Variants in TRAPPC8 observed in about 807,000 individuals in gnomAD.
TRAPPC8 encodes trafficking protein particle complex subunit 8, also known as general sporulation gene 1 homolog.
A neutral mutation model predicts 174.3 loss-of-function variants in TRAPPC8; 54 were observed. That is an observed-to-expected ratio of 0.31 (90% CI 0.25 to 0.39). TRAPPC8 has a LOEUF of 0.39. Ranked by LOEUF, TRAPPC8 falls within the 10% of genes least tolerant of loss-of-function variation. TRAPPC8 has a pLI of 1.00. For synonymous variants in TRAPPC8, 630 were observed against 579.9 expected (o/e 1.09, Z -1.24); for missense variants, 1,531 against 1,699.1 (o/e 0.90, Z 1.74).
intron 27 of TRAPPC8, 55 bp from the exon 28 acceptor site, chr18:31,832,228 T>TTTAATA: frequency 8.9e-7 from 1 of 1,120,256 alleles, no homozygotes; most frequent in Non-Finnish European, 1.2e-6. Context: ...TTAAAAGCAA[T>TTTAATA]TTTCCTGAAA....
chr18:31,859,861 C>CAA (rs1171499567), intron 19 of TRAPPC8, among the ~76,000 whole-genome samples: 1 of 151,992 alleles, frequency 6.6e-6, no homozygotes, highest in Non-Finnish European at 1.5e-5. Flanking sequence ...ACTAAAAATA[C>CAA]AAAAATTAGC....
At chr18:31,878,476 C>T (rs1354254483) in intron 12 of TRAPPC8, among the ~76,000 whole-genome samples, 24 of 152,092 alleles carry the variant, frequency 1.6e-4, no homozygotes, top group Admixed American at 1.4e-3. Flanking sequence ...TGTCACCACC[C>T]GACCAGCTCT....
intron 4 of TRAPPC8, among the ~76,000 whole-genome samples, chr18:31,915,162 G>A (rs1380522488): frequency 6.6e-6 from 1 of 152,130 alleles, no homozygotes; most frequent in Non-Finnish European, 1.5e-5. Context: ...AGAAAGTTTG[G>A]GTAAGCATAT....
At chr18:31,938,459 G>A (rs2038197347) in intron 1 of TRAPPC8, among the ~76,000 whole-genome samples, 1 of 152,032 alleles carries the variant, frequency 6.6e-6, no homozygotes, top group East Asian at 1.9e-4. Flanking sequence ...AATACATCAA[G>A]TCTAAACTGT....
intron 1 of TRAPPC8, among the ~76,000 whole-genome samples, chr18:31,932,013 G>C (rs976238656): frequency 1.3e-5 from 2 of 152,170 alleles, no homozygotes; most frequent in Non-Finnish European, 2.9e-5. Flanking sequence ...GCCCACACCA[G>C]TGCACGATGC....
At chr18:31,917,715 G>C (rs768906046) in intron 2 of TRAPPC8, 48 bp from the exon 3 acceptor site, 1 of 1,513,126 alleles carries the variant, frequency 6.6e-7, no homozygotes, top group South Asian at 1.2e-5. Context: ...AATAGAATCA[G>C]TTTACAACAG....
chr18:31,861,193 T>C (rs1190918417), intron 19 of TRAPPC8, among the ~76,000 whole-genome samples: 1 of 152,230 alleles, frequency 6.6e-6, no homozygotes, highest in Non-Finnish European at 1.5e-5. Flanking sequence ...GTTTAGGGTA[T>C]GGATCTACTG....
Position 31,908,869 on chromosome 18 carries a change from T to C in TRAPPC8, c.1007A>G (p.His336Arg), listed in dbSNP as rs755687915. 1.9e-6 allele frequency: 3 copies of C among 1,613,884 alleles called. No homozygotes were observed. The highest frequency in any genetic ancestry group is 1.7e-4 in the Middle Eastern group (1 of 6,058). The change falls in exon 7 of 29, where the codon CAT becomes CGT. Residue 336 changes from histidine (H) to arginine (R), a missense_variant. Physicochemically the swap from His to Arg is conservative, Grantham distance 29 (BLOSUM62 0). Coordinates refer to ENST00000283351, the MANE Select transcript of TRAPPC8 (RefSeq NM_014939.5). ...ATCAGTAAGTGTTAAACATGCACCA[T>C]GAATTATTCCAGTATTTCCTTTCTT... is the stretch of plus-strand genomic sequence containing the variant. ...ETKKGNTGIIHGACLTLTDHD... is the reference protein window; with the variant it reads ...ETKKGNTGIIRGACLTLTDHD...
intron 1 of TRAPPC8, among the ~76,000 whole-genome samples, chr18:31,936,902 TAAAAAAAAAAAAAAA>T (rs376783471): frequency 1.1e-5 from 1 of 92,496 alleles, no homozygotes; most frequent in South Asian, 4.7e-4. Flanking sequence ...ACTCCGTCTT[TAAAAAAAAAAAAAAA>T]AAAAAAAAAA....
rs1250190584 is a variant in TRAPPC8, at chr18:31,867,409, G to C, written c.2456C>G (p.Ser819Ter). The change falls in exon 17 of 29, where the codon TCA becomes TGA. Residue 819 changes from serine (S) to a stop codon, truncating the protein, a stop_gained. Coordinates refer to ENST00000283351, the MANE Select transcript of TRAPPC8 (RefSeq NM_014939.5). LOFTEE classifies it high-confidence loss of function. ...ISEFLINGEE[S>*]KVARLKLFPH... The stretch of plus-strand genomic sequence containing the variant: ...AAATGATAAAATAATTACCACTTTT[G>C]ATTCTTCGCCATTAATTAAGAACTC... 1 of 1,604,668 alleles carries C rather than the reference G, an allele frequency of 6.2e-7. No individual in the cohort carries two copies. The highest frequency in any genetic ancestry group is 8.5e-7 in the Non-Finnish European group (1 of 1,172,612).
chr18:31,848,958 AG>A (rs1022784609), intron 25 of TRAPPC8, among the ~76,000 whole-genome samples: 1 of 152,104 alleles, frequency 6.6e-6, no homozygotes, highest in Non-Finnish European at 1.5e-5. Context: ...TTTTTTTAAC[AG>A]GGTAAAATAG....
At position 31,874,489 on chromosome 18, in the gene TRAPPC8, A is replaced by G. The variant is rs770442871; in HGVS notation, c.1944T>C (p.Tyr648=). 5 of 1,613,964 alleles carry G rather than the reference A, an allele frequency of 3.1e-6. No individual in the cohort carries two copies. The highest frequency in any genetic ancestry group is 1.7e-4 in the Middle Eastern group (1 of 6,060). ...GAAAATAAGCAGTCACCTTGTAAACATAAAGATATTCTCTGAGGAAAGCCC... is the reference window on the plus strand; with the variant it reads ...GAAAATAAGCAGTCACCTTGTAAACGTAAAGATATTCTCTGAGGAAAGCCC... The part of the protein sequence containing the change: ...QQGAFLREYL[Y]VYKNVSQLSP... The change falls in exon 13 of 29, where the codon TAT becomes TAC. Residue 648 remains tyrosine, a synonymous_variant. Transcript: ENST00000283351.
chr18:31,847,059 T>C (rs1303373550), intron 25 of TRAPPC8, among the ~76,000 whole-genome samples: 1 of 152,270 alleles, frequency 6.6e-6, no homozygotes, highest in Non-Finnish European at 1.5e-5. Context: ...AGATACATCA[T>C]GAAATCCTTT....
chr18:31,901,091 C>G, intron 9 of TRAPPC8, 66 bp from the exon 10 acceptor site: 7 of 1,385,286 alleles, frequency 5.1e-6, no homozygotes, highest in Non-Finnish European at 6.8e-6. Context: ...AGATGGGAAA[C>G]TAAAAGTTGG....
chr18:31,851,538 CAG>C (rs1401747674), intron 24 of TRAPPC8, among the ~76,000 whole-genome samples: 3 of 150,380 alleles, frequency 2.0e-5, no homozygotes, highest in African/African-American at 7.4e-5. Context: ...TTTTAAGAGA[CAG>C]GGTCTTGCCT....
At chr18:31,846,653 A>AAAC in intron 26 of TRAPPC8, 63 bp downstream of exon 26, 5 of 1,337,550 alleles carry the variant, frequency 3.7e-6, no homozygotes, top group Middle Eastern at 1.9e-4. Flanking sequence ...CCAACCAACC[A>AAAC]AACAACAACA....
intron 14 of TRAPPC8, among the ~76,000 whole-genome samples, chr18:31,871,613 A>G (rs574285956): frequency 6.6e-6 from 1 of 152,236 alleles, no homozygotes; most frequent in Admixed American, 6.5e-5. Flanking sequence ...TTCATCCATG[A>G]TTTTACCACA....
At chr18:31,853,216 CAA>C (rs2033805620) in intron 22 of TRAPPC8, among the ~76,000 whole-genome samples, 2 of 152,114 alleles carry the variant, frequency 1.3e-5, no homozygotes, top group South Asian at 2.1e-4. Context: ...GTAAAGGAAA[CAA>C]AGAGAAAATT....
chr18:31,836,522 C>T (rs1257080196), intron 27 of TRAPPC8, among the ~76,000 whole-genome samples: 2 of 152,112 alleles, frequency 1.3e-5, no homozygotes, highest in East Asian at 1.9e-4. Flanking sequence ...TGAAGCAGGA[C>T]GGGTTTAATA....
Sources: gnomAD v4.1 joint callset for allele counts (sites outside exome capture counted in the v4.1 genomes callset) on GRCh38, gnomAD v4.1.1 for gene constraint, MANE v1.5 for transcripts, NCBI Gene and HGNC (gene_info 2026-07-23, HGNC 2026-07-21) for gene names.